Variants in COPS8 observed in about 807,000 individuals in gnomAD.
COPS8 encodes COP9 signalosome complex subunit 8.
COPS8 carries 11 observed loss-of-function variants against 31.5 expected under a neutral mutation model. The ratio of observed to expected loss-of-function variants is 0.35; its 90% CI spans 0.22 to 0.58. The LOEUF (loss-of-function observed/expected upper bound fraction) is 0.58, where lower values mean the gene tolerates loss of function less well. COPS8 is among the 20% of genes least tolerant of loss of function. The probability of loss-of-function intolerance (pLI) is 0.83; values close to 1 mark genes in which losing one functional copy is unlikely to be tolerated. For synonymous variants in COPS8, 81 were observed against 89.3 expected (o/e 0.91, Z 0.52); for missense variants, 215 against 255.1 (o/e 0.84, Z 1.07).
At position 237,086,047 on chromosome 2, in the gene COPS8, C is replaced by T. The variant is rs538771965; in HGVS notation, c.78+5C>T. 3 of 1,612,414 alleles carry T rather than the reference C, an allele frequency of 1.9e-6. No homozygotes were observed. Among genetic ancestry groups the T allele is most frequent in the Admixed American group, 1.7e-5 (1 of 59,956 alleles). On this transcript the variant is annotated splice_donor_5th_base_variant and intron_variant, in intron 1 of 7. Transcript: ENST00000354371. ...TGCGAGAACCAGGAGCTCGAGGTAA[C>T]CCTTTGCGTCGCGCTGGGAGAAACT...
At chr2:237,087,763 T>G (rs1696645781) in intron 2 of COPS8, among the ~76,000 whole-genome samples, 1 of 152,174 alleles carries the variant, frequency 6.6e-6, no homozygotes, top group Admixed American at 6.5e-5. Flanking sequence ...AAACCCCGTC[T>G]GTCCTAAAAA....
At chr2:237,092,186 C>T (rs1696716271) in intron 4 of COPS8, among the ~76,000 whole-genome samples, 1 of 152,198 alleles carries the variant, frequency 6.6e-6, no homozygotes, top group African/African-American at 2.4e-5. Context: ...ATTTATTCCA[C>T]CTTCCAGCGT....
At chr2:237,091,919 G>C (rs911506581) in intron 4 of COPS8, among the ~76,000 whole-genome samples, 1 of 152,162 alleles carries the variant, frequency 6.6e-6, no homozygotes, top group Non-Finnish European at 1.5e-5. Context: ...GCCCCAATTC[G>C]CCAAAGCAAG....
At position 237,098,460 on chromosome 2, in the gene COPS8, A is replaced by G. The variant is rs1231873761; in HGVS notation, c.*718A>G. The G allele has an allele frequency of 6.6e-6, 1 of 152,270 alleles. No homozygotes were observed. The highest frequency in any genetic ancestry group is 1.5e-5 in the Non-Finnish European group (1 of 68,050). The allele number at this position is 152,270 out of a possible 1,614,324, so 9.4% of individuals were successfully genotyped here. The stretch of plus-strand genomic sequence containing the variant: ...AGTGTGGAATGCATTATATGGGCAA[A>G]GAAGCTATGAAGATACATGATACAC... On this transcript the variant is annotated 3_prime_UTR_variant, in exon 8 of 8. Coordinates refer to ENST00000354371, the MANE Select transcript of COPS8 (RefSeq NM_006710.5).
intron 4 of COPS8, among the ~76,000 whole-genome samples, chr2:237,090,270 G>C (rs950586466): frequency 1.3e-5 from 2 of 152,284 alleles, no homozygotes; most frequent in African/African-American, 4.8e-5. Flanking sequence ...ACGAGATCTT[G>C]TAATATTCTA....
chr2:237,086,767 A>T (rs916168874), intron 1 of COPS8: 12 of 984,616 alleles, frequency 1.2e-5, no homozygotes, highest in Non-Finnish European at 1.5e-5. Context: ...AGAATGCTTC[A>T]GGAATCTGTC....
rs1696861703 is a variant in COPS8 at position 237,099,581 on chromosome 2, A to G, written c.*1839A>G. 6.6e-6 allele frequency: 1 copy of G among 152,200 alleles called. No individual in the cohort carries two copies. Among genetic ancestry groups the G allele is most frequent in the African/African-American group, 2.4e-5 (1 of 41,454 alleles). 9.4% of individuals were successfully genotyped at this position (152,200 alleles called of 1,614,324 possible). A position where few individuals can be genotyped will look rare whatever the true frequency, so the allele number is the denominator to read the frequency against. ...TAACATTAGACCCCAGTAATCTTAAATTTGACATGGAAACCTCATTATATG... is the reference window on the plus strand; with the variant it reads ...TAACATTAGACCCCAGTAATCTTAAGTTTGACATGGAAACCTCATTATATG... On this transcript the variant is annotated 3_prime_UTR_variant, in exon 8 of 8. Coordinates refer to ENST00000354371, the MANE Select transcript of COPS8 (RefSeq NM_006710.5).
At position 237,085,958 on chromosome 2, in the gene COPS8, C is replaced by T. The variant is rs1222871277; in HGVS notation, c.-7C>T. ...CGGACGGTGCAGCGGCGAGGCCGGC[C>T]GCGAAGATGCCAGTGGCGGTGATGG... is the stretch of plus-strand genomic sequence containing the variant. On this transcript the variant is annotated 5_prime_UTR_variant, in exon 1 of 8. Transcript: ENST00000354371. 6.8e-6 allele frequency: 11 copies of T among 1,612,436 alleles called. No individual in the cohort carries two copies. Among genetic ancestry groups the T allele is most frequent in the Non-Finnish European group, 9.3e-6 (11 of 1,179,186 alleles).
At position 237,087,364 on chromosome 2, in the gene COPS8, A is replaced by T. The variant is rs13416230; in HGVS notation, c.149+167A>T. 984 of 561,264 alleles carry T rather than the reference A, an allele frequency of 1.8e-3. 10 individuals are homozygous for T. The highest frequency in any genetic ancestry group is 0.017 in the African/African-American group (878 of 52,240). 34.8% of individuals were successfully genotyped at this position (561,264 alleles called of 1,614,324 possible). A position where few individuals can be genotyped will look rare whatever the true frequency, so the allele number is the denominator to read the frequency against. ...TTGAATCATAGGTTAATGAATTATG[A>T]TTAGGTCGTCATTGTCTTACATATA... On this transcript the variant is annotated intron_variant, in intron 2 of 7. Transcript: ENST00000354371.
At position 237,098,270 on chromosome 2, in the gene COPS8, A is replaced by G. The variant is rs953299977; in HGVS notation, c.*528A>G. 6.5e-6 allele frequency: 1 copy of G among 153,306 alleles called. No individual in the cohort carries two copies. Among genetic ancestry groups the G allele is most frequent in the Non-Finnish European group, 1.5e-5 (1 of 68,730 alleles). The allele number at this position is 153,306 out of a possible 1,614,324, so 9.5% of individuals were successfully genotyped here. ...ATACAGAAACATAGCTGAGGAACAA[A>G]TAGACCATTTCCATACTAAACCAGT... is the stretch of plus-strand genomic sequence containing the variant. On this transcript the variant is annotated 3_prime_UTR_variant, in exon 8 of 8. Coordinates refer to ENST00000354371, the MANE Select transcript of COPS8 (RefSeq NM_006710.5).
At chr2:237,087,432 G>C (rs1452150787) in intron 2 of COPS8, 1 of 508,502 alleles carries the variant, frequency 2.0e-6, no homozygotes, top group Non-Finnish European at 3.6e-6. Flanking sequence ...AATTACGTCA[G>C]TAAATTCATT....
chr2:237,086,211 G>A (rs1390438647), intron 1 of COPS8, among the ~76,000 whole-genome samples, 169 bp downstream of exon 1: 1 of 152,132 alleles, frequency 6.6e-6, no homozygotes, highest in East Asian at 1.9e-4. Context: ...CTCCGACCGG[G>A]CCCGGTCTCC....
In COPS8 at chr2:237,095,839, T is replaced by G. The variant is rs774518250; in HGVS notation, c.457T>G (p.Trp153Gly). Residue 153 changes from tryptophan to glycine, a missense_variant, in exon 6 of 8, where the codon TGG becomes GGG. Trp to Gly is a radical substitution (Grantham distance 184). Coordinates refer to ENST00000354371, the MANE Select transcript of COPS8 (RefSeq NM_006710.5). Reference sequence around the variant, plus strand: ...TTTTTTAGGCATATTAGAACAAGGATGGCAAGCTGATTCCACCACAAGAAT... The same window carrying G: ...TTTTTTAGGCATATTAGAACAAGGAGGGCAAGCTGATTCCACCACAAGAAT... ...EAVKGILEQG[W>G]QADSTTRMVL... 1.2e-4 allele frequency: 201 copies of G among 1,612,904 alleles called. 1 individual carries two copies. The South Asian group carries it at 1.7e-3, about 14-fold the overall frequency.
intron 7 of COPS8, 108 bp downstream of exon 7, chr2:237,096,977 G>A: frequency 1.3e-6 from 1 of 765,968 alleles, no homozygotes; most frequent in Non-Finnish European, 2.2e-6. Context: ...TTCTTACCTT[G>A]TAAACAGAGG....
chr2:237,090,229 G>A (rs3748990), intron 4 of COPS8, among the ~76,000 whole-genome samples: 26,637 of 152,040 alleles, frequency 0.18, 2,873 homozygotes, highest in Non-Finnish European at 0.24. Context: ...GAAATTGCTC[G>A]TCAGTTTTAA....
At chr2:237,087,261 G>A (rs2106343737) in intron 2 of COPS8, 64 bp downstream of exon 2, 1 of 1,185,376 alleles carries the variant, frequency 8.4e-7, no homozygotes, top group Non-Finnish European at 1.2e-6. Flanking sequence ...AAATATTTCT[G>A]CACTGAAGTA....
chr2:237,090,105 G>A, intron 4 of COPS8, 111 bp downstream of exon 4: 1 of 1,082,086 alleles, frequency 9.2e-7, no homozygotes, highest in Non-Finnish European at 1.3e-6. Context: ...TTTTTGATAG[G>A]TGAAAAGAGC....
intron 5 of COPS8, 84 bp from the exon 6 acceptor site, chr2:237,095,738 G>A: frequency 1.1e-6 from 1 of 891,400 alleles, no homozygotes; most frequent in Non-Finnish European, 1.9e-6. Context: ...CAGGTCTTCT[G>A]TACAACTAAT....
chr2:237,095,836 G>C lies in COPS8; in HGVS notation c.454G>C (p.Gly152Arg). Residue 152 changes from glycine (G) to arginine (R), a missense_variant, in exon 6 of 8, where the codon GGA (glycine) becomes CGA (arginine). Physicochemically the swap from Gly to Arg is moderately radical, Grantham distance 125. Transcript: ENST00000354371. The part of the protein sequence containing the change: ...EEAVKGILEQ[G>R]WQADSTTRMV... ...TACTTTTTTAGGCATATTAGAACAA[G>C]GATGGCAAGCTGATTCCACCACAAG... is the stretch of plus-strand genomic sequence containing the variant. 6.2e-7 allele frequency: 1 copy of C among 1,612,598 alleles called. No individual in the cohort carries two copies. Among genetic ancestry groups the C allele is most frequent in the Non-Finnish European group, 8.5e-7 (1 of 1,178,666 alleles).
Sources: allele counts gnomAD v4.1 joint callset (sites outside exome capture counted in the v4.1 genomes callset), GRCh38; gene constraint gnomAD v4.1.1; transcripts MANE v1.5; gene names NCBI Gene and HGNC (gene_info 2026-07-23, HGNC 2026-07-21).